Variants in CAPN8 observed in about 807,000 individuals in gnomAD.
CAPN8 encodes the protein calpain 8, also known as calpain-8.
CAPN8 carries 87 observed loss-of-function variants against 80.9 expected under a neutral mutation model. That is an observed-to-expected ratio of 1.07 (90% CI 0.90 to 1.28). The LOEUF (loss-of-function observed/expected upper bound fraction) is 1.28, where lower values mean the gene tolerates loss of function less well. CAPN8 is among the 50% of genes most tolerant of loss of function. The pLI, the probability that CAPN8 is intolerant of heterozygous loss-of-function variation, is 0.00. For missense variants in CAPN8, 757 were observed against 702.0 expected (o/e 1.08, Z -0.89); for synonymous variants, 299 against 273.8 (o/e 1.09, Z -0.91).
At chr1:223,557,628 G>A (rs920915075) in intron 13 of CAPN8, among the ~76,000 whole-genome samples, 2 of 152,154 alleles carry the variant, frequency 1.3e-5, no homozygotes, top group African/African-American at 2.4e-5. Context: ...CTCCAAAGTC[G>A]GCTCAGAACT....
At chr1:223,618,251 G>T in intron 9 of CAPN8, 5 of 1,550,588 alleles carry the variant, frequency 3.2e-6, no homozygotes, top group Non-Finnish European at 3.5e-6. Context: ...TTCATCAGGT[G>T]CTGCCTCAGC....
chr1:223,544,935 A>G (rs1656579467), intron 17 of CAPN8, 85 bp from the exon 18 acceptor site: 1 of 1,543,516 alleles, frequency 6.5e-7, no homozygotes. Context: ...CTGCTTTCTC[A>G]AAAGGCCAGG....
intron 15 of CAPN8, 61 bp from the exon 16 acceptor site, chr1:223,549,443 C>T (rs1359310259): frequency 2.6e-6 from 4 of 1,549,270 alleles, no homozygotes; most frequent in African/African-American, 2.7e-5. Flanking sequence ...AGGGAAAGAA[C>T]CTCCACGGTA....
intron 10 of CAPN8, 59 bp from the exon 11 acceptor site, chr1:223,612,316 C>G (rs1306851597): frequency 1.6e-6 from 2 of 1,227,262 alleles, no homozygotes; most frequent in Non-Finnish European, 2.0e-6. Context: ...CCTTCTGCTC[C>G]TTTTCCTCTC....
At chr1:223,621,522 G>A (rs937161705) in intron 7 of CAPN8, among the ~76,000 whole-genome samples, 1 of 152,054 alleles carries the variant, frequency 6.6e-6, no homozygotes, top group Non-Finnish European at 1.5e-5. Flanking sequence ...TCAATTTCAC[G>A]TGGCCCTGTC....
chr1:223,665,664 G>A lies in CAPN8; in HGVS notation c.-18C>T. 3.2e-6 allele frequency: 5 copies of A among 1,544,842 alleles called. No individual in the cohort carries two copies. Among genetic ancestry groups the A allele is most frequent in the Middle Eastern group, 1.9e-4 (1 of 5,168 alleles). On this transcript the variant is annotated 5_prime_UTR_variant, in exon 1 of 21. Transcript: ENST00000366872. ...GCTGCCATGGCCGTGGGCTCTGTAG[G>A]GTGGACAGAAGGGCAGGGCTGCACT... is the stretch of plus-strand genomic sequence containing the variant.
At chr1:223,624,141 A>T (rs976837476) in intron 6 of CAPN8, among the ~76,000 whole-genome samples, 1 of 152,204 alleles carries the variant, frequency 6.6e-6, no homozygotes, top group African/African-American at 2.4e-5. Context: ...GAAGTGGTGC[A>T]ATCACTGCAG....
chr1:223,653,561 C>T (rs895040711), intron 2 of CAPN8, among the ~76,000 whole-genome samples: 3 of 152,058 alleles, frequency 2.0e-5, no homozygotes, highest in African/African-American at 7.2e-5. Flanking sequence ...CCTTCACTTC[C>T]GGTTCTGTAT....
chr1:223,623,722 G>A (rs935413043), intron 6 of CAPN8, among the ~76,000 whole-genome samples: 2 of 152,146 alleles, frequency 1.3e-5, no homozygotes, highest in Admixed American at 6.5e-5. Flanking sequence ...TGGGCCAGGC[G>A]CAGTGGCTCA....
chr1:223,656,632 T>C (rs558712889), intron 1 of CAPN8, among the ~76,000 whole-genome samples: 216 of 151,406 alleles, frequency 1.4e-3, no homozygotes, highest in Non-Finnish European at 2.6e-3. Flanking sequence ...TGTCTTCTGA[T>C]ATGAAAGCAT....
At chr1:223,548,081 C>T (rs1442718237) in intron 16 of CAPN8, among the ~76,000 whole-genome samples, 1 of 152,194 alleles carries the variant, frequency 6.6e-6, no homozygotes, top group Non-Finnish European at 1.5e-5. Context: ...TCCAGGACCA[C>T]TCTGCATGAC....
intron 4 of CAPN8, 70 bp downstream of exon 4, chr1:223,627,939 C>G: frequency 6.9e-7 from 1 of 1,448,416 alleles, no homozygotes; most frequent in South Asian, 1.4e-5. Context: ...GGGAGGCAGA[C>G]GTGGGAGGGA....
intron 10 of CAPN8, among the ~76,000 whole-genome samples, chr1:223,615,223 C>A (rs150954954): frequency 6.6e-6 from 1 of 152,274 alleles, no homozygotes; most frequent in Non-Finnish European, 1.5e-5. Flanking sequence ...CAAGAAATTC[C>A]TTTAATAAAA....
chr1:223,654,088 A>G (rs553181438), intron 2 of CAPN8, among the ~76,000 whole-genome samples: 1 of 152,320 alleles, frequency 6.6e-6, no homozygotes, highest in South Asian at 2.1e-4. Context: ...AAAGTGGTTA[A>G]ATGAACTGGC....
At chr1:223,623,361 GA>G (rs1657461538) in intron 6 of CAPN8, among the ~76,000 whole-genome samples, 1 of 152,114 alleles carries the variant, frequency 6.6e-6, no homozygotes, top group South Asian at 2.1e-4. Flanking sequence ...AGAAGATAAA[GA>G]ATTATCTTCA....
chr1:223,547,656 A>G (rs751866112), intron 16 of CAPN8, among the ~76,000 whole-genome samples: 43 of 152,206 alleles, frequency 2.8e-4, no homozygotes, highest in Non-Finnish European at 3.5e-4. Flanking sequence ...TAAGGATTCC[A>G]TGGGTATTTC....
chr1:223,543,791 G>A (rs1467447229), intron 19 of CAPN8, among the ~76,000 whole-genome samples: 1 of 152,218 alleles, frequency 6.6e-6, no homozygotes, highest in Non-Finnish European at 1.5e-5. Context: ...CCTAGTGACT[G>A]CACACTGTAG....
intron 14 of CAPN8, among the ~76,000 whole-genome samples, chr1:223,551,639 A>T (rs527250432): frequency 4.6e-4 from 70 of 152,248 alleles, no homozygotes; most frequent in Non-Finnish European, 8.5e-4. Context: ...AACAGCAGTG[A>T]TAGGATTGAA....
intron 9 of CAPN8, chr1:223,618,169 G>A: frequency 1.3e-6 from 2 of 1,507,796 alleles, no homozygotes; most frequent in Non-Finnish European, 1.8e-6. Flanking sequence ...AGCAGGAGGT[G>A]AAAAGTAGAG....
Sources: gnomAD v4.1 joint callset for allele counts (sites outside exome capture counted in the v4.1 genomes callset) on GRCh38, gnomAD v4.1.1 for gene constraint, MANE v1.5 for transcripts, NCBI Gene and HGNC (gene_info 2026-07-23, HGNC 2026-07-21) for gene names.